RANBP2: variants seen among roughly 807,000 people sequenced by gnomAD.
RANBP2 encodes the protein RAN binding protein 2.
RANBP2 carries 57 observed loss-of-function variants against 303.6 expected under a neutral mutation model. The ratio of observed to expected loss-of-function variants is 0.19; its 90% CI spans 0.15 to 0.23. The LOEUF (loss-of-function observed/expected upper bound fraction) is 0.23, where lower values mean the gene tolerates loss of function less well. Ranked by LOEUF, RANBP2 falls within the 10% of genes least tolerant of loss-of-function variation. RANBP2 has a pLI of 1.00. For missense variants in RANBP2, 3,138 were observed against 3,780.8 expected (o/e 0.83, Z 4.46); for synonymous variants, 1,167 against 1,301.5 (o/e 0.90, Z 2.23).
the RANBP2 span, among the ~76,000 whole-genome samples, chr2:109,590,979 GC>G: frequency 6.6e-6 from 1 of 152,156 alleles, no homozygotes; most frequent in Non-Finnish European, 1.5e-5. Flanking sequence ...AGGAAGATGG[GC>G]CACGTCTGGC....
the RANBP2 span, among the ~76,000 whole-genome samples, chr2:109,305,721 A>G: frequency 2.0e-5 from 3 of 152,194 alleles, no homozygotes; most frequent in African/African-American, 4.8e-5. Flanking sequence ...TGTGGCTACA[A>G]TGCGGGAGGA....
the RANBP2 span, among the ~76,000 whole-genome samples, chr2:109,412,737 T>C: frequency 2.0e-5 from 3 of 152,138 alleles, no homozygotes; most frequent in Non-Finnish European, 4.4e-5. Flanking sequence ...CAGGAAACCA[T>C]TGTCACTTGA....
rs1677037288 is a variant in RANBP2 at position 108,765,239 on chromosome 2, A to G, written c.4700A>G (p.Gln1567Arg). Residue 1567 changes from glutamine (Q) to arginine (R), a missense_variant, in exon 20 of 29, where the codon CAG becomes CGG. Physicochemically the swap from Gln to Arg is conservative, Grantham distance 43. Around this residue, in one of 20 missense-constraint regions of RANBP2, gnomAD observed 388 missense variants for 328.5 expected, o/e 1.18. Transcript: ENST00000283195. ...AATGCTACAAGATGTGTTGCTTGTC[A>G]GAATCCGGATAAACCAAGTCCATCT... is the stretch of plus-strand genomic sequence containing the variant. ...EANATRCVAC[Q>R]NPDKPSPSTS... 2.5e-6 allele frequency: 4 copies of G among 1,613,960 alleles called. 1 individual carries two copies. The highest frequency in any genetic ancestry group is 3.3e-4 in the Middle Eastern group (2 of 6,084).
chr2:109,227,134 C>T, the RANBP2 span, among the ~76,000 whole-genome samples: 9 of 152,116 alleles, frequency 5.9e-5, no homozygotes, highest in Non-Finnish European at 8.8e-5. Context: ...AGATTCACTC[C>T]GGCTGAGTGA....
At chr2:109,421,708 A>G in the RANBP2 span, among the ~76,000 whole-genome samples, 1 of 152,176 alleles carries the variant, frequency 6.6e-6, no homozygotes. Context: ...GTAAGAGGGA[A>G]GGGAAACTTA....
chr2:109,662,613 G>A, the RANBP2 span, among the ~76,000 whole-genome samples: 14 of 151,984 alleles, frequency 9.2e-5, no homozygotes, highest in Non-Finnish European at 1.0e-4. Context: ...GTTTCATCAT[G>A]TTGGCTATGC....
the RANBP2 span, among the ~76,000 whole-genome samples, chr2:108,874,503 A>G: frequency 2.6e-5 from 4 of 152,184 alleles, no homozygotes; most frequent in African/African-American, 9.7e-5. Context: ...TTTGTATAAC[A>G]GTAACATTTT....
the RANBP2 span, among the ~76,000 whole-genome samples, chr2:109,521,865 G>A: frequency 2.0e-5 from 3 of 152,106 alleles, no homozygotes; most frequent in Admixed American, 6.5e-5. Context: ...ACCTGTTATA[G>A]TCGGTGTTAA....
chr2:108,809,448 TTGTGTGTGTG>T, the RANBP2 span, among the ~76,000 whole-genome samples: 3,425 of 141,200 alleles, frequency 0.024, 129 homozygotes, highest in African/African-American at 0.085. Context: ...ACATGAAATG[TTGTGTGTGTG>T]TGTGTGTGTG....
chr2:108,728,096 C>T (rs1360468502), intron 1 of RANBP2, among the ~76,000 whole-genome samples: 1 of 152,248 alleles, frequency 6.6e-6, no homozygotes, highest in East Asian at 1.9e-4. Flanking sequence ...ATCCTAAGTA[C>T]TTACTTATTC....
chr2:109,252,832 GA>G, the RANBP2 span, among the ~76,000 whole-genome samples: 1 of 152,144 alleles, frequency 6.6e-6, no homozygotes, highest in Non-Finnish European at 1.5e-5. Flanking sequence ...TCTTGAAAGT[GA>G]AAAACACTGG....
chr2:109,552,206 G>A, the RANBP2 span, among the ~76,000 whole-genome samples: 31 of 152,266 alleles, frequency 2.0e-4, no homozygotes, highest in African/African-American at 6.5e-4. Flanking sequence ...CCCCTGGTCC[G>A]TGGAAAAACT....
At chr2:109,066,829 A>G in the RANBP2 span, among the ~76,000 whole-genome samples, 1 of 152,124 alleles carries the variant, frequency 6.6e-6, no homozygotes, top group Non-Finnish European at 1.5e-5. Context: ...GAGGGGCCCC[A>G]GGGACAAAGG....
At chr2:108,941,157 A>G in the RANBP2 span, among the ~76,000 whole-genome samples, 19 of 152,328 alleles carry the variant, frequency 1.2e-4, no homozygotes, top group Admixed American at 2.0e-4. Context: ...GCGTTGTGGG[A>G]ATTAGGACTT....
the RANBP2 span, among the ~76,000 whole-genome samples, chr2:109,595,464 T>C: frequency 6.6e-6 from 1 of 152,158 alleles, no homozygotes; most frequent in Non-Finnish European, 1.5e-5. Context: ...CATCATGTGG[T>C]ACCTAAGCAG....
At chr2:109,350,619 C>T in the RANBP2 span, among the ~76,000 whole-genome samples, 1 of 152,234 alleles carries the variant, frequency 6.6e-6, no homozygotes, top group Non-Finnish European at 1.5e-5. Flanking sequence ...CTCCAAGAGA[C>T]ATGGGCAACT....
chr2:108,993,981 C>A, the RANBP2 span, among the ~76,000 whole-genome samples: 1 of 152,116 alleles, frequency 6.6e-6, no homozygotes, highest in African/African-American at 2.4e-5. Flanking sequence ...TACAAGGGCA[C>A]TAATCCCATT....
At chr2:108,850,434 G>A in the RANBP2 span, among the ~76,000 whole-genome samples, 1 of 151,884 alleles carries the variant, frequency 6.6e-6, no homozygotes, top group Admixed American at 6.6e-5. Context: ...TATAATACTT[G>A]GCGAGTTTTT....
At chr2:109,719,599 G>T in the RANBP2 span, among the ~76,000 whole-genome samples, 1 of 151,264 alleles carries the variant, frequency 6.6e-6, no homozygotes, top group Non-Finnish European at 1.5e-5. Flanking sequence ...TAGAGATGGG[G>T]TTTCACCGTG....
Sources: gnomAD v4.1 joint callset for allele counts (sites outside exome capture counted in the v4.1 genomes callset) on GRCh38, gnomAD v4.1.1 for gene constraint, gnomAD v4.1.1 regional missense constraint, MANE v1.5 for transcripts, NCBI Gene and HGNC (gene_info 2026-07-23, HGNC 2026-07-21) for gene names.